CHRM3: variants seen among roughly 807,000 people sequenced by gnomAD.
The protein encoded by CHRM3 is cholinergic receptor muscarinic 3.
In CHRM3, 11 loss-of-function variants were observed where a neutral mutation model predicts 41.8. That is an observed-to-expected ratio of 0.26 (90% CI 0.17 to 0.44). CHRM3 has a LOEUF of 0.44. Among genes scored for constraint, CHRM3 ranks in the 20% least tolerant of loss-of-function variants. The pLI, the probability that CHRM3 is intolerant of heterozygous loss-of-function variation, is 1.00. For synonymous variants in CHRM3, 297 were observed against 301.4 expected (o/e 0.99, Z 0.15); for missense variants, 571 against 745.4 (o/e 0.77, Z 2.72).
chr1:239,772,543 G>A (rs1046462956), intron 5 of CHRM3, among the ~76,000 whole-genome samples: 6 of 152,052 alleles, frequency 3.9e-5, no homozygotes, highest in African/African-American at 1.4e-4. Context: ...CCCCAGATCC[G>A]ACCCTATTCT....
intron 4 of CHRM3, among the ~76,000 whole-genome samples, chr1:239,677,528 G>C (rs1445306134): frequency 6.6e-6 from 1 of 152,142 alleles, no homozygotes; most frequent in African/African-American, 2.4e-5. Flanking sequence ...TAAGATCAAG[G>C]CACCGGTATC....
chr1:239,806,413 G>T (rs1670649570), intron 5 of CHRM3, among the ~76,000 whole-genome samples: 1 of 107,324 alleles, frequency 9.3e-6, no homozygotes, highest in Admixed American at 9.2e-5. Context: ...ATCCAGGATG[G>T]AGTTACACAC....
At chr1:239,599,969 A>G (rs1665304556) in intron 3 of CHRM3, among the ~76,000 whole-genome samples, 1 of 151,914 alleles carries the variant, frequency 6.6e-6, no homozygotes, top group African/African-American at 2.4e-5. Flanking sequence ...TGTGCCACCA[A>G]CTCTCACACA....
chr1:239,761,664 T>C (rs1288904400), intron 5 of CHRM3, among the ~76,000 whole-genome samples: 1 of 152,158 alleles, frequency 6.6e-6, no homozygotes, highest in Non-Finnish European at 1.5e-5. Flanking sequence ...AGATGCCTCA[T>C]GCGCTAGGGG....
chr1:239,394,154 G>A (rs1659282828), intron 1 of CHRM3, among the ~76,000 whole-genome samples: 1 of 152,180 alleles, frequency 6.6e-6, no homozygotes, highest in African/African-American at 2.4e-5. Context: ...GATGTTGCGT[G>A]AATTTCTTAG....
At chr1:239,602,496 G>A (rs1665724900) in intron 3 of CHRM3, among the ~76,000 whole-genome samples, 1 of 152,076 alleles carries the variant, frequency 6.6e-6, no homozygotes, top group African/African-American at 2.4e-5. Context: ...TTAATAAAAT[G>A]TAGCATTTTA....
chr1:239,907,345 T>G lies in CHRM3; in HGVS notation c.-19-88T>G. On this transcript the variant is annotated intron_variant, in intron 6 of 6. Transcript: ENST00000676153. The surrounding 1 kb of genome is among the most constrained non-coding windows in gnomAD (Gnocchi z 5.4). ...GAGATTCAGCACCCTGTAATAGGCC[T>G]TCCATGTCTTTTAACGTATGTAATG... 1.0e-6 allele frequency: 1 copy of G among 985,488 alleles called. No homozygotes were observed. Among genetic ancestry groups the G allele is most frequent in the Non-Finnish European group, 1.5e-6 (1 of 662,790 alleles). 61.0% of individuals were successfully genotyped at this position (985,488 alleles called of 1,614,324 possible).
chr1:239,749,309 G>A (rs1665616113), intron 5 of CHRM3, among the ~76,000 whole-genome samples: 1 of 152,150 alleles, frequency 6.6e-6, no homozygotes, highest in African/African-American at 2.4e-5. Context: ...TTTCAGATAA[G>A]CCCTACGGTG....
chr1:239,888,604 A>T (rs559632862), intron 6 of CHRM3, among the ~76,000 whole-genome samples: 1 of 152,170 alleles, frequency 6.6e-6, no homozygotes, highest in Non-Finnish European at 1.5e-5. Flanking sequence ...TCTCAAAAAA[A>T]AAAAAAAAAA....
intron 1 of CHRM3, among the ~76,000 whole-genome samples, chr1:239,483,770 A>G (rs1572454653): frequency 6.6e-6 from 1 of 152,202 alleles, no homozygotes; most frequent in Non-Finnish European, 1.5e-5. Flanking sequence ...ACTCTTCCCC[A>G]TCTACTTAAC....
rs116519285 is a variant in CHRM3 at position 239,594,518 on chromosome 1, A to G, written c.-312-37706A>G. On this transcript the variant is annotated intron_variant, in intron 3 of 6. Transcript: ENST00000676153. ...TTTGTTGTCACAGAATCAAGTTGTC[A>G]TTGGTGAAAAGGCTCATTTTAATTT... 3.2e-3 allele frequency among the ~76,000 whole-genome samples: 492 copies of G among 152,328 alleles called. 5 individuals carry two copies. The highest frequency in any genetic ancestry group is 0.011 in the African/African-American group (464 of 41,580).
intron 4 of CHRM3, among the ~76,000 whole-genome samples, chr1:239,665,742 C>T (rs1243934580): frequency 1.3e-5 from 2 of 152,124 alleles, no homozygotes; most frequent in Non-Finnish European, 2.9e-5. Context: ...CATTGTTGAA[C>T]TCCTACTTAT....
In CHRM3 at chr1:239,851,788, G is replaced by A. The variant is rs144094269; in HGVS notation, c.-20+24410G>A. ...TATTTGCTTCTTTTCCATAAAGCTA[G>A]CATTAAAAAGGTATAGTTTTCTTAC... On this transcript the variant is annotated intron_variant, in intron 6 of 6. Coordinates refer to ENST00000676153, the MANE Select transcript of CHRM3 (RefSeq NM_001375978.1). 5.3e-5 allele frequency among the ~76,000 whole-genome samples: 8 copies of A among 152,152 alleles called. No homozygotes were observed. In the East Asian group the frequency reaches 9.7e-4, roughly 18 times the overall value.
chr1:239,846,349 C>T (rs1204274022), intron 6 of CHRM3, among the ~76,000 whole-genome samples: 1 of 152,130 alleles, frequency 6.6e-6, no homozygotes, highest in Non-Finnish European at 1.5e-5. Flanking sequence ...AAAATTATTA[C>T]TCCTAGTAGG....
intron 4 of CHRM3, among the ~76,000 whole-genome samples, chr1:239,635,132 C>A (rs1257897057): frequency 6.6e-6 from 1 of 152,186 alleles, no homozygotes; most frequent in African/African-American, 2.4e-5. Context: ...TATGACTCTA[C>A]TCCAAGTCAT....
intron 5 of CHRM3, among the ~76,000 whole-genome samples, chr1:239,790,156 G>A (rs766118014): frequency 1.3e-5 from 2 of 152,152 alleles, no homozygotes; most frequent in Non-Finnish European, 2.9e-5. Context: ...GAAGGAACTT[G>A]TCTTGTCTCA....
chr1:239,430,431 T>A (rs12128683), intron 1 of CHRM3, among the ~76,000 whole-genome samples: 24,679 of 152,060 alleles, frequency 0.16, 2,644 homozygotes, highest in Non-Finnish European at 0.22. Context: ...TGCATCTGTG[T>A]AAAATAGGTA....
chr1:239,522,887 G>A (rs940021125), intron 2 of CHRM3, among the ~76,000 whole-genome samples: 2 of 152,084 alleles, frequency 1.3e-5, no homozygotes, highest in Non-Finnish European at 2.9e-5. Context: ...GAACTTTTCA[G>A]AGCTGGCAAA....
At chr1:239,614,763 C>T (rs908790806) in intron 3 of CHRM3, among the ~76,000 whole-genome samples, 1 of 152,148 alleles carries the variant, frequency 6.6e-6, no homozygotes, top group African/African-American at 2.4e-5. Flanking sequence ...CAACAAAACA[C>T]ATTTTTTCAG....
Sources: allele counts gnomAD v4.1 joint callset (sites outside exome capture counted in the v4.1 genomes callset), GRCh38; gene constraint gnomAD v4.1.1; non-coding constraint Gnocchi (gnomAD v3.1); transcripts MANE v1.5; gene names NCBI Gene and HGNC (gene_info 2026-07-23, HGNC 2026-07-21).